TAFA1: variants seen among roughly 807,000 people sequenced by gnomAD.
TAFA1 encodes TAFA chemokine like family member 1.
A neutral mutation model predicts 18.5 loss-of-function variants in TAFA1; 4 were observed. The ratio of observed to expected loss-of-function variants is 0.22; its 90% CI spans 0.11 to 0.49. The LOEUF (loss-of-function observed/expected upper bound fraction) is 0.49. TAFA1 is among the 20% of genes least tolerant of loss of function. TAFA1 has a pLI of 0.98. For synonymous variants in TAFA1, 56 were observed against 55.2 expected (o/e 1.01, Z -0.06); for missense variants, 147 against 169.0 (o/e 0.87, Z 0.72).
intron 2 of TAFA1, among the ~76,000 whole-genome samples, chr3:68,133,344 A>C (rs578001539): frequency 5.9e-4 from 90 of 152,296 alleles, no homozygotes; most frequent in African/African-American, 2.1e-3. Context: ...TATCTTGGCT[A>C]TATGGGCTCT....
At chr3:68,238,919 G>T (rs2066963419) in intron 2 of TAFA1, among the ~76,000 whole-genome samples, 1 of 152,094 alleles carries the variant, frequency 6.6e-6, no homozygotes, top group African/African-American at 2.4e-5. Context: ...AGAAACTAAT[G>T]ATCTATGGAA....
intron 3 of TAFA1, among the ~76,000 whole-genome samples, chr3:68,511,273 A>C (rs1239514990): frequency 6.6e-6 from 1 of 152,168 alleles, no homozygotes; most frequent in African/African-American, 2.4e-5. Context: ...ATGAATTTAA[A>C]CATGAAGTAA....
chr3:67,998,634 C>T, the TAFA1 span, among the ~76,000 whole-genome samples: 98 of 152,350 alleles, frequency 6.4e-4, 2 homozygotes, highest in East Asian at 0.016. Flanking sequence ...ACAATCGTTT[C>T]TCTTGTTCCT....
intron 2 of TAFA1, among the ~76,000 whole-genome samples, chr3:68,034,315 C>T (rs1705000274): frequency 2.0e-5 from 3 of 152,150 alleles, no homozygotes; most frequent in South Asian, 4.1e-4. Flanking sequence ...GACACTTATT[C>T]TGTGCCAGGC....
chr3:68,138,394 A>G (rs1434227565), intron 2 of TAFA1, among the ~76,000 whole-genome samples: 1 of 152,208 alleles, frequency 6.6e-6, no homozygotes, highest in African/African-American at 2.4e-5. Context: ...AGCTCTAGGA[A>G]AGTAACATAT....
At chr3:68,295,147 C>T (rs1478550799) in intron 2 of TAFA1, among the ~76,000 whole-genome samples, 2 of 151,836 alleles carry the variant, frequency 1.3e-5, no homozygotes, top group African/African-American at 2.4e-5. Flanking sequence ...GGAAAGGGCC[C>T]AGAGAACTGT....
chr3:68,332,477 C>T (rs2068897850), intron 2 of TAFA1, among the ~76,000 whole-genome samples: 2 of 151,988 alleles, frequency 1.3e-5, no homozygotes, highest in African/African-American at 4.8e-5. Flanking sequence ...GAAAGGCAAC[C>T]TGAAGAATGA....
chr3:68,055,819 G>C (rs544381005), intron 2 of TAFA1, among the ~76,000 whole-genome samples: 1 of 152,012 alleles, frequency 6.6e-6, no homozygotes, highest in Non-Finnish European at 1.5e-5. Flanking sequence ...TAGAATGTTG[G>C]CTGGGGCTGT....
chr3:68,495,894 A>G (rs1425534389), intron 3 of TAFA1, among the ~76,000 whole-genome samples: 1 of 151,010 alleles, frequency 6.6e-6, no homozygotes, highest in Non-Finnish European at 1.5e-5. Flanking sequence ...ATCTGTGCAG[A>G]TAGTGATTTC....
At chr3:68,347,662 G>A (rs1052866972) in intron 2 of TAFA1, among the ~76,000 whole-genome samples, 1 of 152,220 alleles carries the variant, frequency 6.6e-6, no homozygotes, top group African/African-American at 2.4e-5. Flanking sequence ...ACAGATATTA[G>A]ACTGCATTTG....
chr3:68,366,109 C>T lies in TAFA1; in HGVS notation c.119-51171C>T, dbSNP rs535883347. Among the ~76,000 whole-genome samples, 685 of 123,690 alleles carry T rather than the reference C, an allele frequency of 5.5e-3. 9 individuals are homozygous for T. Among genetic ancestry groups the T allele is most frequent in the Middle Eastern group, 8.8e-3 (2 of 228 alleles). The allele number at this position is 123,690 out of a possible 152,430, so 81.1% of individuals were successfully genotyped here. ...TCAAAAAAAAAAAAAAAAAAAGAAACCATCAGATCTCGTGAGACTTATTCA... is the reference window on the plus strand; with the variant it reads ...TCAAAAAAAAAAAAAAAAAAAGAAATCATCAGATCTCGTGAGACTTATTCA... On this transcript the variant is annotated intron_variant, in intron 2 of 4. Coordinates refer to ENST00000478136, the MANE Select transcript of TAFA1 (RefSeq NM_213609.4).
chr3:68,399,019 CAATT>C (rs565706332), intron 2 of TAFA1, among the ~76,000 whole-genome samples: 55 of 152,150 alleles, frequency 3.6e-4, no homozygotes, highest in African/African-American at 1.2e-3. Flanking sequence ...GATCAAATGA[CAATT>C]AATCAATATT....
chr3:68,354,239 A>C (rs1026100702), intron 2 of TAFA1, among the ~76,000 whole-genome samples: 11 of 151,992 alleles, frequency 7.2e-5, no homozygotes, highest in African/African-American at 2.4e-4. Context: ...GGAATTGTCA[A>C]CATTCAAAAA....
chr3:68,236,593 A>G (rs1014280063), intron 2 of TAFA1, among the ~76,000 whole-genome samples: 5 of 152,244 alleles, frequency 3.3e-5, no homozygotes, highest in African/African-American at 1.2e-4. Flanking sequence ...AAAAAATGAA[A>G]GGTTGAGGTT....
In TAFA1 at chr3:68,328,982, A is replaced by G. The variant is rs373665316; in HGVS notation, c.119-88298A>G. On this transcript the variant is annotated intron_variant, in intron 2 of 4. Coordinates refer to ENST00000478136, the MANE Select transcript of TAFA1 (RefSeq NM_213609.4). ...GTTCCAAGCCATGTACAAAATTGAA[A>G]AAAAAGTAACCCCATGATGTTACTA... is the stretch of plus-strand genomic sequence containing the variant. Among the ~76,000 whole-genome samples, 55 of 152,174 alleles carry G rather than the reference A, an allele frequency of 3.6e-4. No homozygotes were observed. The South Asian group carries it at 0.011, about 30-fold the overall frequency.
intron 3 of TAFA1, among the ~76,000 whole-genome samples, chr3:68,496,324 C>G (rs565596271): frequency 1.3e-5 from 2 of 152,214 alleles, no homozygotes; most frequent in East Asian, 3.9e-4. Context: ...CTTCCTTGAC[C>G]AATAAAATGT....
intron 2 of TAFA1, among the ~76,000 whole-genome samples, chr3:68,337,918 A>T (rs17396472): frequency 0.044 from 6,629 of 152,264 alleles, 158 homozygotes; most frequent in South Asian, 0.078. Flanking sequence ...TGAGTCCCCA[A>T]CCAATTTCAT....
intron 2 of TAFA1, among the ~76,000 whole-genome samples, chr3:68,330,472 T>C (rs751262459): frequency 2.6e-5 from 4 of 152,252 alleles, no homozygotes; most frequent in Admixed American, 1.3e-4. Context: ...CATATGTTTT[T>C]ACTTTGTCTT....
intron 3 of TAFA1, among the ~76,000 whole-genome samples, chr3:68,526,163 C>G: frequency 6.6e-6 from 1 of 152,116 alleles, no homozygotes; most frequent in East Asian, 1.9e-4. Flanking sequence ...TAGTTTCTCC[C>G]TTGTCTAAAG....
Sources: gnomAD v4.1 joint callset for allele counts (sites outside exome capture counted in the v4.1 genomes callset) on GRCh38, gnomAD v4.1.1 for gene constraint, MANE v1.5 for transcripts, NCBI Gene and HGNC (gene_info 2026-07-23, HGNC 2026-07-21) for gene names.